CFAP20DC: variants seen among roughly 807,000 people sequenced by gnomAD.
The protein encoded by CFAP20DC is protein CFAP20DC.
In CFAP20DC, 84 loss-of-function variants were observed where a neutral mutation model predicts 101.7. The observed-to-expected ratio is 0.83, with a 90% CI of 0.69 to 0.99. CFAP20DC has a LOEUF of 0.99. Ranked by LOEUF, CFAP20DC falls within the 50% of genes least tolerant of loss-of-function variation. The pLI, the probability that CFAP20DC is intolerant of heterozygous loss-of-function variation, is 0.00. For missense variants in CFAP20DC, 1,007 were observed against 970.3 expected (o/e 1.04, Z -0.50); for synonymous variants, 359 against 351.2 (o/e 1.02, Z -0.25).
intron 13 of CFAP20DC, among the ~76,000 whole-genome samples, chr3:58,835,636 G>T (rs2076685789): frequency 1.3e-5 from 2 of 152,136 alleles, no homozygotes; most frequent in Non-Finnish European, 2.9e-5. Context: ...CACCCTGGAA[G>T]GGGCAGCCAA....
rs779681633 is a variant in CFAP20DC, at chr3:58,721,786, A to C, written c.198-4158T>G. ...CCCTGGGATCTCTATTCTTTTCTCA[A>C]CACATTCCTTTCAGAGAACCAGGGC... On this transcript the variant is annotated intron_variant, in intron 3 of 3. Transcript: ENST00000486145. The surrounding 1 kb of genome is among the most constrained non-coding windows in gnomAD (Gnocchi z 5.2). Among the ~76,000 whole-genome samples, 2 of 152,194 alleles carry C rather than the reference A, an allele frequency of 1.3e-5. No homozygotes were observed. Among genetic ancestry groups the C allele is most frequent in the African/African-American group, 2.4e-5 (1 of 41,438 alleles).
intron 4 of CFAP20DC, among the ~76,000 whole-genome samples, chr3:58,996,949 C>T (rs1035965469): frequency 2.8e-4 from 43 of 152,306 alleles, no homozygotes; most frequent in African/African-American, 1.0e-3. Flanking sequence ...AGCCTGGCCC[C>T]TCCTCTTCCT....
At position 58,894,568 on chromosome 3, in the gene CFAP20DC, G is replaced by T. The variant is rs1346833181; in HGVS notation, c.551-9859C>A. On this transcript the variant is annotated intron_variant, in intron 6 of 16. Transcript: ENST00000482387. The surrounding 1 kb of genome is among the most constrained non-coding windows in gnomAD (Gnocchi z 4.1). ...AGCTCCACCCCTGTGGCTCTGCAGG[G>T]TATAGTCCCCATCTTAGATGCTTTC... Among the ~76,000 whole-genome samples, 1 of 152,204 alleles carries T rather than the reference G, an allele frequency of 6.6e-6. No individual in the cohort carries two copies. The highest frequency in any genetic ancestry group is 1.5e-5 in the Non-Finnish European group (1 of 68,036).
intron 15 of CFAP20DC, among the ~76,000 whole-genome samples, chr3:58,760,325 GCTCT>G (rs1337371500): frequency 6.6e-6 from 1 of 152,074 alleles, no homozygotes; most frequent in Non-Finnish European, 1.5e-5. Flanking sequence ...TCATGATTTT[GCTCT>G]CTGTTTGTCT....
intron 6 of CFAP20DC, among the ~76,000 whole-genome samples, chr3:58,903,056 C>A (rs927308817): frequency 3.3e-5 from 5 of 151,980 alleles, no homozygotes; most frequent in African/African-American, 1.2e-4. Flanking sequence ...GGATACATAT[C>A]GTATCAGATA....
rs1317389815 is a variant in CFAP20DC at position 59,039,544 on chromosome 3, C to A, written c.278+13G>T. The A allele has an allele frequency of 6.9e-7, 1 of 1,451,246 alleles. No individual in the cohort carries two copies. Among genetic ancestry groups the A allele is most frequent in the East Asian group, 2.5e-5 (1 of 40,080 alleles). The allele number at this position is 1,451,246 out of a possible 1,614,324, so 89.9% of individuals were successfully genotyped here. A position where few individuals can be genotyped will look rare whatever the true frequency, so the allele number is the denominator to read the frequency against. On this transcript the variant is annotated intron_variant, in intron 4 of 16. Coordinates refer to ENST00000482387, the MANE Select transcript of CFAP20DC (RefSeq NM_001394063.1). ...TACACACAAAACATTCAAAGAAGTTCTGTATATCTTACAGCAATTCAGTGG... is the reference window on the plus strand; with the variant it reads ...TACACACAAAACATTCAAAGAAGTTATGTATATCTTACAGCAATTCAGTGG...
intron 4 of CFAP20DC, among the ~76,000 whole-genome samples, chr3:58,952,021 T>G (rs542655445): frequency 2.6e-5 from 4 of 152,244 alleles, no homozygotes; most frequent in African/African-American, 9.6e-5. Context: ...GGCTGGGCAA[T>G]TTGCAAAGTT....
downstream of CFAP20DC, among the ~76,000 whole-genome samples, chr3:58,716,178 G>A (rs1275876906): frequency 5.0e-5 from 5 of 100,846 alleles, no homozygotes; most frequent in Non-Finnish European, 5.4e-5. Context: ...TTTTTGAGAC[G>A]GAGTCTCGCT....
chr3:58,769,329 T>C (rs1301050293), intron 15 of CFAP20DC, among the ~76,000 whole-genome samples: 1 of 152,178 alleles, frequency 6.6e-6, no homozygotes, highest in Non-Finnish European at 1.5e-5. Flanking sequence ...AGGGTGGATA[T>C]AGCAGGGCTG....
chr3:58,909,045 C>T (rs181985216), intron 6 of CFAP20DC, among the ~76,000 whole-genome samples: 124 of 152,164 alleles, frequency 8.1e-4, no homozygotes, highest in Middle Eastern at 3.4e-3. Flanking sequence ...GGGCAGTGAA[C>T]CTATTCTGTG....
chr3:59,018,130 A>C (rs1576732783), intron 4 of CFAP20DC: 1 of 152,164 alleles, frequency 6.6e-6, no homozygotes, highest in African/African-American at 2.4e-5. Flanking sequence ...TGGCCAGGGG[A>C]GATACCCAAA....
chr3:59,028,653 G>T (rs543260910), intron 4 of CFAP20DC, among the ~76,000 whole-genome samples: 1 of 152,248 alleles, frequency 6.6e-6, no homozygotes, highest in South Asian at 2.1e-4. Flanking sequence ...TTGAATCTTA[G>T]CTCTAAGAGT....
rs550638589 is a variant in CFAP20DC, at chr3:58,858,197, GT to G, written c.1593+5360del. 2.0e-3 allele frequency among the ~76,000 whole-genome samples: 309 copies of G among 152,154 alleles called. 3 individuals are homozygous for G. The highest frequency in any genetic ancestry group is 7.2e-3 in the African/African-American group (300 of 41,526). On this transcript the variant is annotated intron_variant, in intron 12 of 16. Transcript: ENST00000482387. ...AAATGCTTTTGATTTAACTTAATAT[GT>G]TTTTTTAAAGTCCCAAATCTCTTGA... is the stretch of plus-strand genomic sequence containing the variant.
intron 3 of CFAP20DC, among the ~76,000 whole-genome samples, chr3:58,730,595 A>T (rs1329925774): frequency 6.6e-6 from 1 of 152,226 alleles, no homozygotes; most frequent in African/African-American, 2.4e-5. Context: ...GAGGAATCAA[A>T]GCGTCTTTCC....
rs533707700 is a variant in CFAP20DC at position 58,967,316 on chromosome 3, A to G, written c.279-29554T>C. ...CTGAAACAACTGAATATCCACATGCAAAAGAAAAAAATTTGATCCCCATCT... is the reference window on the plus strand; with the variant it reads ...CTGAAACAACTGAATATCCACATGCGAAAGAAAAAAATTTGATCCCCATCT... On this transcript the variant is annotated intron_variant, in intron 4 of 16. Coordinates refer to ENST00000482387, the MANE Select transcript of CFAP20DC (RefSeq NM_001394063.1). Among the ~76,000 whole-genome samples, 6 of 152,312 alleles carry G rather than the reference A, an allele frequency of 3.9e-5. No individual in the cohort carries two copies. In the South Asian group the frequency reaches 1.2e-3, roughly 32 times the overall value.
At chr3:58,796,547 G>T (rs2073257081) in intron 15 of CFAP20DC, among the ~76,000 whole-genome samples, 1 of 152,162 alleles carries the variant, frequency 6.6e-6, no homozygotes, top group Admixed American at 6.5e-5. Context: ...TTTAAAGGTA[G>T]AGCAGTTGAC....
chr3:59,008,458 G>A (rs1284429214), intron 4 of CFAP20DC, among the ~76,000 whole-genome samples: 2 of 152,148 alleles, frequency 1.3e-5, no homozygotes, highest in Non-Finnish European at 2.9e-5. Flanking sequence ...CTTCGCTATT[G>A]ACTTGAAGCC....
Position 58,913,233 on chromosome 3 carries a change from T to C in CFAP20DC, c.550+475A>G, listed in dbSNP as rs2084330294. ...TGATGTGACTTATGGAGTCTCTGTA[T>C]AGTTGCAGTAGCTACTGGCAGTGGG... On this transcript the variant is annotated intron_variant, in intron 6 of 16. Transcript: ENST00000482387. This position sits in a 1 kb window ranked among gnomAD's most constrained non-coding sequence, Gnocchi z 4.4. 6.6e-6 allele frequency among the ~76,000 whole-genome samples: 1 copy of C among 152,152 alleles called. No individual in the cohort carries two copies. Among genetic ancestry groups the C allele is most frequent in the East Asian group, 1.9e-4 (1 of 5,194 alleles).
chr3:58,826,611 C>T (rs937029669), intron 14 of CFAP20DC, among the ~76,000 whole-genome samples: 14 of 152,170 alleles, frequency 9.2e-5, no homozygotes, highest in Admixed American at 8.5e-4. Flanking sequence ...CGGCTTCATC[C>T]ATGTCCCTGC....
Sources: gnomAD v4.1 joint callset for allele counts (sites outside exome capture counted in the v4.1 genomes callset) on GRCh38, gnomAD v4.1.1 for gene constraint, Gnocchi (gnomAD v3.1) non-coding constraint, MANE v1.5 for transcripts, NCBI Gene and HGNC (gene_info 2026-07-23, HGNC 2026-07-21) for gene names.